CREB5: variants seen among roughly 807,000 people sequenced by gnomAD.
CREB5 encodes the protein cAMP responsive element binding protein 5, also known as cyclic AMP-responsive element-binding protein 5.
Under a neutral mutation model 57.1 loss-of-function variants are expected in CREB5, and 19 were observed. That is an observed-to-expected ratio of 0.33 (90% CI 0.23 to 0.49). CREB5 has a LOEUF of 0.49. Ranked by LOEUF, CREB5 falls within the 20% of genes least tolerant of loss-of-function variation. The pLI, the probability that CREB5 is intolerant of heterozygous loss-of-function variation, is 0.99. For missense variants in CREB5, 579 were observed against 671.6 expected, an observed-to-expected ratio of 0.86 and a Z score of 1.52; for synonymous variants, 238 against 238.3, an observed-to-expected ratio of 1.00 and a Z score of 0.01.
chr7:28,362,418 A>T (rs758369035), intron 1 of CREB5, among the ~76,000 whole-genome samples: 1 of 152,234 alleles, frequency 6.6e-6, no homozygotes, highest in Non-Finnish European at 1.5e-5. Flanking sequence ...ACATGTGTTT[A>T]GTGGCTTAAA....
chr7:28,579,010 C>T (rs1265223490), intron 5 of CREB5, among the ~76,000 whole-genome samples: 2 of 152,172 alleles, frequency 1.3e-5, no homozygotes, highest in East Asian at 3.8e-4. Context: ...TTCAATGAGG[C>T]AGTGCAACAT....
chr7:28,366,292 CTT>C (rs1420052400), intron 1 of CREB5, among the ~76,000 whole-genome samples: 1 of 152,110 alleles, frequency 6.6e-6, no homozygotes, highest in Non-Finnish European at 1.5e-5. Context: ...TATTTATACA[CTT>C]GATCAAAATA....
chr7:28,673,703 C>T (rs116310186), intron 5 of CREB5, among the ~76,000 whole-genome samples: 1,971 of 123,426 alleles, frequency 0.016, 30 homozygotes, highest in Admixed American at 0.04. Flanking sequence ...ATTCGAGTCT[C>T]GCTCTGCCAC....
intron 1 of CREB5, among the ~76,000 whole-genome samples, chr7:28,486,724 A>C (rs955149028): frequency 4.4e-5 from 6 of 135,690 alleles, no homozygotes; most frequent in South Asian, 2.4e-4. Context: ...CCACAAAACC[A>C]TGTATGCTAT....
intron 1 of CREB5, among the ~76,000 whole-genome samples, chr7:28,475,012 T>C (rs1399171275): frequency 1.3e-5 from 2 of 152,162 alleles, no homozygotes; most frequent in African/African-American, 4.8e-5. Flanking sequence ...AAATTCAAAA[T>C]CTGTTAGGCT....
intron 5 of CREB5, among the ~76,000 whole-genome samples, chr7:28,629,043 G>A (rs781647623): frequency 1.3e-5 from 2 of 152,136 alleles, no homozygotes; most frequent in East Asian, 1.9e-4. Flanking sequence ...CTGTTTAAAC[G>A]GTGAGTTTAC....
At chr7:28,334,762 C>T (rs1235533091) in intron 1 of CREB5, among the ~76,000 whole-genome samples, 1 of 152,110 alleles carries the variant, frequency 6.6e-6, no homozygotes, top group Non-Finnish European at 1.5e-5. Context: ...TGGGGTGTTA[C>T]TCAAGAAATC....
chr7:28,658,363 T>G (rs1799419503), intron 5 of CREB5, among the ~76,000 whole-genome samples: 1 of 152,222 alleles, frequency 6.6e-6, no homozygotes, highest in Non-Finnish European at 1.5e-5. Flanking sequence ...TATCTACCTC[T>G]GCCCATGAAC....
intron 5 of CREB5, among the ~76,000 whole-genome samples, chr7:28,624,846 G>C (rs1297959505): frequency 6.6e-6 from 1 of 152,092 alleles, no homozygotes; most frequent in East Asian, 1.9e-4. Flanking sequence ...GTCAGTGAGT[G>C]CTTGGAGCAT....
At chr7:28,511,547 C>T (rs774161723) in intron 4 of CREB5, among the ~76,000 whole-genome samples, 1 of 152,158 alleles carries the variant, frequency 6.6e-6, no homozygotes, top group Non-Finnish European at 1.5e-5. Context: ...CGCAGTGGTG[C>T]AATCTCAGCT....
chr7:28,488,332 C>A, intron 2 of CREB5, 86 bp downstream of exon 2: 1 of 1,200,760 alleles, frequency 8.3e-7, no homozygotes, highest in Non-Finnish European at 1.2e-6. Context: ...CATGCCTGCC[C>A]TGGGCTTTCC....
At chr7:28,314,562 T>C (rs1418274180) in intron 1 of CREB5, among the ~76,000 whole-genome samples, 2 of 152,274 alleles carry the variant, frequency 1.3e-5, no homozygotes, top group South Asian at 4.1e-4. Flanking sequence ...CAGATTATTG[T>C]GATATATAAT....
intron 5 of CREB5, among the ~76,000 whole-genome samples, chr7:28,668,326 C>G (rs192011710): frequency 2.2e-4 from 33 of 152,150 alleles, no homozygotes; most frequent in African/African-American, 7.5e-4. Flanking sequence ...CTTTGCATTC[C>G]AAAATGAAGG....
chr7:28,444,573 C>T (rs1251250332), intron 1 of CREB5, among the ~76,000 whole-genome samples: 2 of 152,154 alleles, frequency 1.3e-5, no homozygotes, highest in African/African-American at 4.8e-5. Flanking sequence ...TTCCACTGGC[C>T]TCTCCACCAG....
At chr7:28,464,644 A>G (rs1388904512) in intron 1 of CREB5, among the ~76,000 whole-genome samples, 1 of 151,098 alleles carries the variant, frequency 6.6e-6, no homozygotes, top group Non-Finnish European at 1.5e-5. Flanking sequence ...CCTTTTCATC[A>G]GGATTATCTG....
chr7:28,641,108 G>C (rs1798641632), intron 5 of CREB5, among the ~76,000 whole-genome samples: 1 of 152,110 alleles, frequency 6.6e-6, no homozygotes, highest in Non-Finnish European at 1.5e-5. Context: ...CCTTGTTCAA[G>C]AGTCAAGAAT....
intron 1 of CREB5, among the ~76,000 whole-genome samples, chr7:28,342,693 C>T (rs1303684924): frequency 3.3e-5 from 5 of 152,194 alleles, no homozygotes; most frequent in Non-Finnish European, 2.9e-5. Flanking sequence ...CCACCTCATG[C>T]TGGGCCTGTG....
chr7:28,623,591 TAAAG>T (rs1304659120), intron 5 of CREB5, among the ~76,000 whole-genome samples: 1 of 152,226 alleles, frequency 6.6e-6, no homozygotes, highest in Non-Finnish European at 1.5e-5. Context: ...TTTAGAATCT[TAAAG>T]AAACAGATTC....
At chr7:28,410,228 C>G (rs1787720167), upstream of CREB5, 5 of 454,030 alleles carry the variant, frequency 1.1e-5, no homozygotes, top group Non-Finnish European at 8.8e-6. Flanking sequence ...GGCTGGAGAG[C>G]GGCGAGGCTC....
Sources: allele counts gnomAD v4.1 joint callset (sites outside exome capture counted in the v4.1 genomes callset), GRCh38; gene constraint gnomAD v4.1.1; transcripts MANE v1.5; gene names NCBI Gene and HGNC (gene_info 2026-07-23, HGNC 2026-07-21).